The following CCDC171 variants were observed in gnomAD, a reference collection of about 807,000 sequenced individuals.
CCDC171 encodes the protein coiled-coil domain containing 171.
In CCDC171, 177 loss-of-function variants were observed where a neutral mutation model predicts 168.2. The ratio of observed to expected loss-of-function variants is 1.05; its 90% confidence interval spans 0.93 to 1.19. CCDC171 has a LOEUF of 1.19. Among genes scored for constraint, CCDC171 ranks in the 50% most tolerant of loss-of-function variants. The pLI is 0.00. For synonymous variants in CCDC171, 687 were observed against 540.8 expected, an observed-to-expected ratio of 1.27 and a Z score of -3.75; for missense variants, 1,991 against 1,539.0, an observed-to-expected ratio of 1.29 and a Z score of -4.91.
intron 7 of CCDC171, among the ~76,000 whole-genome samples, chr9:15,642,271 G>A (rs2046672875): frequency 7.1e-6 from 1 of 140,020 alleles, no homozygotes. Flanking sequence ...GTATATATAT[G>A]AACATATATG....
intron 15 of CCDC171, among the ~76,000 whole-genome samples, chr9:15,728,762 T>C (rs1712428904): frequency 1.3e-5 from 2 of 152,102 alleles, no homozygotes; most frequent in African/African-American, 4.8e-5. Context: ...AACTAGTCAG[T>C]ACTGTGTTTA....
intron 2 of CCDC171, among the ~76,000 whole-genome samples, chr9:15,566,195 G>GTTT (rs77870058): frequency 6.9e-6 from 1 of 145,026 alleles, no homozygotes. Flanking sequence ...TTTAAATTGT[G>GTTT]TTTTTTTTTT....
chr9:16,007,958 A>T (rs1832755786), intron 3 of CCDC171, among the ~76,000 whole-genome samples: 2 of 152,150 alleles, frequency 1.3e-5, no homozygotes, highest in South Asian at 4.1e-4. Flanking sequence ...AGCTGTAAGA[A>T]TTCTTTATAT....
At chr9:16,062,888 A>G (rs1404616689), downstream of CCDC171, among the ~76,000 whole-genome samples, 3 of 152,192 alleles carry the variant, frequency 2.0e-5, no homozygotes, top group Admixed American at 2.0e-4. Flanking sequence ...TCCAATTTGT[A>G]GGGGAGTTTC....
chr9:15,886,757 C>CAT (rs1819462673), intron 24 of CCDC171: 3 of 147,644 alleles, frequency 2.0e-5, no homozygotes, highest in Admixed American at 6.8e-5. Context: ...AATGTTTATA[C>CAT]ACACACACAC....
intron 6 of CCDC171, among the ~76,000 whole-genome samples, chr9:15,619,235 A>G (rs562538541): frequency 6.6e-6 from 1 of 152,288 alleles, no homozygotes; most frequent in East Asian, 1.9e-4. Flanking sequence ...TTTAAATCAA[A>G]AGCTAGAAAT....
chr9:15,631,509 C>A (rs993057054), intron 7 of CCDC171, among the ~76,000 whole-genome samples: 4 of 152,150 alleles, frequency 2.6e-5, no homozygotes, highest in South Asian at 2.1e-4. Flanking sequence ...ATAACAGGCT[C>A]TGAAATTGTG....
At chr9:15,745,453 T>A (rs1321069230) in intron 17 of CCDC171, 62 bp from the exon 18 acceptor site, 2 of 1,095,052 alleles carry the variant, frequency 1.8e-6, no homozygotes, top group East Asian at 5.2e-5. Flanking sequence ...TGCTACGAAT[T>A]TTAAATATAG....
chr9:16,104,308 C>T, the CCDC171 span, among the ~76,000 whole-genome samples: 1 of 151,950 alleles, frequency 6.6e-6, no homozygotes, highest in Non-Finnish European at 1.5e-5. Flanking sequence ...CTCAACATCC[C>T]TTCTCCCTCT....
chr9:16,082,098 A>G, the CCDC171 span, among the ~76,000 whole-genome samples: 1 of 152,196 alleles, frequency 6.6e-6, no homozygotes, highest in African/African-American at 2.4e-5. Context: ...GGAAAAGGGA[A>G]ATATTTAGTT....
At position 15,865,552 on chromosome 9, in the gene CCDC171, G is replaced by A. The variant is rs115920491; in HGVS notation, c.3469-8980G>A. On this transcript the variant is annotated intron_variant, in intron 23 of 25. Transcript: ENST00000380701. ...TCAGCCTATTCAACATGAAGAATAT[G>A]AGGATGAAGACTTTTATGATGATCC... Among the ~76,000 whole-genome samples, 1,458 of 152,060 alleles carry A rather than the reference G, an allele frequency of 9.6e-3. 26 individuals are homozygous for A. The highest frequency in any genetic ancestry group is 0.034 in the African/African-American group (1,392 of 41,494).
At chr9:15,634,930 A>C (rs1353791826) in intron 7 of CCDC171, among the ~76,000 whole-genome samples, 2 of 152,162 alleles carry the variant, frequency 1.3e-5, no homozygotes, top group Non-Finnish European at 2.9e-5. Context: ...TTCACTTAGC[A>C]TAATGTTTTC....
At position 15,679,901 on chromosome 9, in the gene CCDC171, C is replaced by T. The variant is rs563086819; in HGVS notation, c.1215+1005C>T. Reference sequence around the variant, plus strand: ...TTATTCAGGTTATTCATTTCTTTTACCTGCAATGACTAAAATGCTCCTTTT... The same window carrying T: ...TTATTCAGGTTATTCATTTCTTTTATCTGCAATGACTAAAATGCTCCTTTT... On this transcript the variant is annotated intron_variant, in intron 10 of 25. Transcript: ENST00000380701. Among the ~76,000 whole-genome samples, 65 of 152,192 alleles carry T rather than the reference C, an allele frequency of 4.3e-4. 2 individuals carry two copies. The South Asian group carries it at 0.013, about 31-fold the overall frequency.
At chr9:15,562,812 C>G (rs2039416536) in intron 1 of CCDC171, among the ~76,000 whole-genome samples, 1 of 152,110 alleles carries the variant, frequency 6.6e-6, no homozygotes, top group Non-Finnish European at 1.5e-5. Flanking sequence ...CTAACTCTTA[C>G]TTTCATTCTG....
At chr9:15,816,096 TATG>T (rs1473815631) in intron 21 of CCDC171, among the ~76,000 whole-genome samples, 1 of 118,124 alleles carries the variant, frequency 8.5e-6, no homozygotes, top group Non-Finnish European at 1.9e-5. Flanking sequence ...GATGTCCTAT[TATG>T]ATATGATAAT....
intron 25 of CCDC171, among the ~76,000 whole-genome samples, chr9:15,925,071 G>A (rs560667407): frequency 4.0e-5 from 6 of 151,546 alleles, no homozygotes; most frequent in East Asian, 2.0e-4. Context: ...GATATCATAC[G>A]AACCAAAACA....
intron 23 of CCDC171, among the ~76,000 whole-genome samples, chr9:15,855,002 T>C (rs900857315): frequency 2.0e-5 from 3 of 151,744 alleles, no homozygotes; most frequent in African/African-American, 7.3e-5. Context: ...CTCCAATATA[T>C]GGTCTGTCTT....
rs568124893 is a variant in CCDC171 at position 15,588,793 on chromosome 9, C to G, written c.353-2573C>G. Among the ~76,000 whole-genome samples the G allele has an allele frequency of 2.3e-3, 342 of 151,576 alleles. 2 individuals carry two copies. Among genetic ancestry groups the G allele is most frequent in the African/African-American group, 8.0e-3 (331 of 41,260 alleles). On this transcript the variant is annotated intron_variant, in intron 4 of 25. Transcript: ENST00000380701. ...CACGACCTCGGCTCACTGCAAGCTC[C>G]ACCTCCCGGGTTCACGTCATTCTTC...
In CCDC171 at chr9:15,564,109, T is replaced by A. The variant is rs1186379991; in HGVS notation, c.21T>A (p.Ser7Arg). Reference protein sequence around the residue: MNLNTSSNTGDTQRLKI... With the variant: MNLNTSRNTGDTQRLKI... ...ACATCATGAATTTGAATACTTCAAGTAATACTGGTGATACCCAAAGGTAAG... is the reference window on the plus strand; with the variant it reads ...ACATCATGAATTTGAATACTTCAAGAAATACTGGTGATACCCAAAGGTAAG... Residue 7 changes from serine (S) to arginine (R), a missense_variant, in exon 2 of 26, where the codon AGT becomes AGA. By Grantham distance (110) the Ser-to-Arg change is moderately radical. Coordinates refer to ENST00000380701, the MANE Select transcript of CCDC171 (RefSeq NM_173550.4). 2 of 1,608,130 alleles carry A rather than the reference T, an allele frequency of 1.2e-6. No homozygotes were observed. The highest frequency in any genetic ancestry group is 3.4e-5 in the Admixed American group (2 of 58,492).
Sources: allele counts gnomAD v4.1 joint callset (sites outside exome capture counted in the v4.1 genomes callset), GRCh38; gene constraint gnomAD v4.1.1; transcripts MANE v1.5; gene names NCBI Gene and HGNC (gene_info 2026-07-23, HGNC 2026-07-21).